The following DLGAP1 variants were observed in gnomAD, a reference collection of about 807,000 sequenced individuals.
DLGAP1 encodes the protein disks large-associated protein 1.
A neutral mutation model predicts 90.8 loss-of-function variants in DLGAP1; 11 were observed. The ratio of observed to expected loss-of-function variants is 0.12; its 90% CI spans 0.08 to 0.20. DLGAP1 has a LOEUF of 0.20. Among genes scored for constraint, DLGAP1 ranks in the 10% least tolerant of loss-of-function variants. The pLI, the probability that DLGAP1 is intolerant of heterozygous loss-of-function variation, is 1.00. For synonymous variants in DLGAP1, 558 were observed against 540.7 expected (o/e 1.03, Z -0.44); for missense variants, 1,050 against 1,333.8 (o/e 0.79, Z 3.31).
At chr18:4,049,284 T>C (rs1432224941) in intron 2 of DLGAP1, among the ~76,000 whole-genome samples, 4 of 151,784 alleles carry the variant, frequency 2.6e-5, no homozygotes, top group African/African-American at 9.7e-5. Context: ...CACACAGATG[T>C]CAGCCATAGC....
intron 1 of DLGAP1, among the ~76,000 whole-genome samples, chr18:4,230,265 C>T (rs901243496): frequency 6.6e-6 from 1 of 152,078 alleles, no homozygotes; most frequent in Non-Finnish European, 1.5e-5. Flanking sequence ...TATGACCCAG[C>T]AATCTCACTG....
intron 10 of DLGAP1, among the ~76,000 whole-genome samples, chr18:3,527,557 G>GT (rs890130767): frequency 2.3e-4 from 34 of 150,924 alleles, no homozygotes; most frequent in African/African-American, 7.6e-4. Flanking sequence ...CTGAGTTTTT[G>GT]TTTTTTTAGT....
intron 7 of DLGAP1, among the ~76,000 whole-genome samples, chr18:3,713,746 G>A (rs547849963): frequency 1.3e-5 from 2 of 151,688 alleles, no homozygotes; most frequent in African/African-American, 4.9e-5. Context: ...GTGATAGAAA[G>A]AAACATGTTT....
intron 3 of DLGAP1, chr18:3,978,274 C>G (rs541939939): frequency 4.3e-4 from 172 of 400,030 alleles, no homozygotes; most frequent in African/African-American, 3.3e-3. Flanking sequence ...CTTTTGGTAC[C>G]CCCTGCAAGT....
chr18:4,067,246 G>A (rs2075383444), intron 2 of DLGAP1, among the ~76,000 whole-genome samples: 1 of 151,938 alleles, frequency 6.6e-6, no homozygotes, highest in African/African-American at 2.4e-5. Flanking sequence ...ATACCTGAGT[G>A]ATGAAATAAT....
intron 8 of DLGAP1, among the ~76,000 whole-genome samples, chr18:3,574,271 T>C (rs963354715): frequency 9.9e-5 from 15 of 152,212 alleles, no homozygotes; most frequent in Non-Finnish European, 2.2e-4. Flanking sequence ...TTTGAATCTG[T>C]TGTTCTTTTT....
chr18:4,031,259 GA>G (rs960209654), intron 2 of DLGAP1, among the ~76,000 whole-genome samples: 5 of 149,158 alleles, frequency 3.4e-5, no homozygotes, highest in Non-Finnish European at 4.5e-5. Flanking sequence ...AGTCTGGTTT[GA>G]AAAAAAAAGG....
At chr18:3,503,116 A>G (rs570411237) in intron 11 of DLGAP1, among the ~76,000 whole-genome samples, 18 of 152,326 alleles carry the variant, frequency 1.2e-4, no homozygotes, top group Admixed American at 6.5e-4. Flanking sequence ...GTAAAACACA[A>G]ATGATTAGTA....
chr18:4,357,695 C>T (rs2081551554), intron 1 of DLGAP1, among the ~76,000 whole-genome samples: 1 of 152,250 alleles, frequency 6.6e-6, no homozygotes, highest in Admixed American at 6.5e-5. Flanking sequence ...ACTGACATCT[C>T]TGGCAACAGC....
rs2064676850 is a variant in DLGAP1, at chr18:3,772,357, T to TC, written c.1173-29846_1173-29845insG. On this transcript the variant is annotated intron_variant, in intron 5 of 12. Transcript: ENST00000315677. Reference sequence around the variant, plus strand: ...TTCTCTCTCTCTCTCTCTTTCTTTCTTTCTTTCTTTCTTTCTTTCTTTCTT... The same window carrying TC: ...TTCTCTCTCTCTCTCTCTTTCTTTCTCTTCTTTCTTTCTTTCTTTCTTTCTT... 1.2e-3 allele frequency among the ~76,000 whole-genome samples: 5 copies of TC among 4,080 alleles called. No homozygotes were observed. In the Admixed American group the frequency reaches 0.018, roughly 15 times the overall value. The allele number at this position is 4,080 out of a possible 152,430, so 2.7% of individuals were successfully genotyped here.
At chr18:3,985,942 T>C (rs1045604710) in intron 3 of DLGAP1, among the ~76,000 whole-genome samples, 12 of 152,176 alleles carry the variant, frequency 7.9e-5, no homozygotes, top group Non-Finnish European at 1.6e-4. Flanking sequence ...CAGATCTGCC[T>C]TTGACATGGG....
At chr18:4,056,223 G>A (rs1253921968) in intron 2 of DLGAP1, among the ~76,000 whole-genome samples, 2 of 152,148 alleles carry the variant, frequency 1.3e-5, no homozygotes, top group African/African-American at 4.8e-5. Flanking sequence ...GGGAAGGAAT[G>A]AGGATCCTCG....
intron 3 of DLGAP1, among the ~76,000 whole-genome samples, chr18:3,973,219 C>A (rs912702364): frequency 1.5e-4 from 22 of 149,288 alleles, no homozygotes; most frequent in African/African-American, 5.4e-4. Flanking sequence ...ATGGTCCTAC[C>A]TTCAGGCTGC....
intron 7 of DLGAP1, among the ~76,000 whole-genome samples, chr18:3,600,808 A>AGATATATG (rs2056903756): frequency 7.9e-6 from 1 of 126,394 alleles, no homozygotes; most frequent in African/African-American, 3.6e-5. Flanking sequence ...ATAGATATAT[A>AGATATATG]GATATATATA....
In DLGAP1 at chr18:3,787,377, A is replaced by C. The variant is rs138308160; in HGVS notation, c.1172+26682T>G. Among the ~76,000 whole-genome samples, 569 of 150,736 alleles carry C rather than the reference A, an allele frequency of 3.8e-3. 6 individuals are homozygous for C. Among genetic ancestry groups the C allele is most frequent in the African/African-American group, 0.013 (524 of 41,126 alleles). On this transcript the variant is annotated intron_variant, in intron 5 of 12. Transcript: ENST00000315677. The stretch of plus-strand genomic sequence containing the variant: ...GCACCTGTAGTCCCAGCTACTTGCA[A>C]GGCTGAAGCAGGAGAATTGCTTGAA...
chr18:3,839,299 G>C (rs550493989), intron 4 of DLGAP1, among the ~76,000 whole-genome samples: 1 of 152,082 alleles, frequency 6.6e-6, no homozygotes, highest in African/African-American at 2.4e-5. Context: ...AAAATCAATA[G>C]ACTTATATTT....
At chr18:4,377,227 T>C (rs1247457966) in intron 1 of DLGAP1, among the ~76,000 whole-genome samples, 1 of 152,070 alleles carries the variant, frequency 6.6e-6, no homozygotes, top group Non-Finnish European at 1.5e-5. Context: ...CACAAGAGAA[T>C]AAGAAATGAC....
intron 1 of DLGAP1, among the ~76,000 whole-genome samples, chr18:4,359,328 C>A (rs1055562035): frequency 1.4e-4 from 22 of 152,226 alleles, no homozygotes; most frequent in African/African-American, 5.3e-4. Context: ...ATCATAAGAC[C>A]CTCATGTGAG....
chr18:4,218,850 C>CAT (rs1598644867), intron 1 of DLGAP1, among the ~76,000 whole-genome samples: 1 of 151,020 alleles, frequency 6.6e-6, no homozygotes, highest in East Asian at 1.9e-4. Context: ...CACACACACA[C>CAT]ACAATTTTCT....
Sources: allele counts gnomAD v4.1 joint callset (sites outside exome capture counted in the v4.1 genomes callset), GRCh38; gene constraint gnomAD v4.1.1; transcripts MANE v1.5; gene names NCBI Gene and HGNC (gene_info 2026-07-23, HGNC 2026-07-21).